Variants in XRCC5 observed in about 807,000 individuals in gnomAD.
XRCC5 encodes X-ray repair cross complementing 5, also known as DNA repair protein Ku80.
In XRCC5, 12 loss-of-function variants were observed where a neutral mutation model predicts 95.7. That is an observed-to-expected ratio of 0.13 (90% CI 0.08 to 0.20). The LOEUF (loss-of-function observed/expected upper bound fraction) is 0.20, where lower values mean the gene tolerates loss of function less well. Among genes scored for constraint, XRCC5 ranks in the 10% least tolerant of loss-of-function variants. The pLI is 1.00. For missense variants in XRCC5, 595 were observed against 873.9 expected (o/e 0.68, Z 4.02); for synonymous variants, 281 against 290.3 (o/e 0.97, Z 0.33).
At position 216,192,752 on chromosome 2, in the gene XRCC5, C is replaced by CT. The variant is rs202075540; in HGVS notation, c.2041+26dup. ...TTGTCCAGGGTAAGTTGTCATTTGC[C>CT]TTTTTTTTTAAAAAGTATTTTTAAA... On this transcript the variant is annotated intron_variant, in intron 18 of 20. Coordinates refer to ENST00000392132, the MANE Select transcript of XRCC5 (RefSeq NM_021141.4). 3.3e-4 allele frequency: 494 copies of CT among 1,501,940 alleles called. No individual in the cohort carries two copies. Among genetic ancestry groups the CT allele is most frequent in the South Asian group, 4.7e-4 (35 of 74,940 alleles). 93.0% of individuals were successfully genotyped at this position (1,501,940 alleles called of 1,614,324 possible). A position where few individuals can be genotyped will look rare whatever the true frequency, so the allele number is the denominator to read the frequency against.
intron 13 of XRCC5, among the ~76,000 whole-genome samples, chr2:216,141,540 C>CTTTTCTTTTT (rs1697169556): frequency 1.5e-5 from 1 of 64,980 alleles, no homozygotes; most frequent in Non-Finnish European, 2.6e-5. Flanking sequence ...TCTTTCTTTT[C>CTTTTCTTTTT]TTTTTTTTTT....
chr2:216,204,421 G>A (rs2106056685), intron 20 of XRCC5, 25 bp downstream of exon 20: 1 of 1,613,018 alleles, frequency 6.2e-7, no homozygotes, highest in Non-Finnish European at 8.5e-7. Flanking sequence ...TATGCACCTG[G>A]TGTTCTATGA....
intron 20 of XRCC5, among the ~76,000 whole-genome samples, chr2:216,204,956 T>G (rs1337637954): frequency 6.6e-6 from 1 of 152,248 alleles, no homozygotes; most frequent in African/African-American, 2.4e-5. Context: ...ATATGACAAC[T>G]GACCAACAAA....
chr2:216,150,982 C>G (rs570827076), intron 14 of XRCC5, among the ~76,000 whole-genome samples: 2 of 152,312 alleles, frequency 1.3e-5, no homozygotes, highest in African/African-American at 4.8e-5. Context: ...TTTTCAGTTT[C>G]ATTATAATCT....
intron 14 of XRCC5, among the ~76,000 whole-genome samples, chr2:216,159,481 A>G (rs1177595582): frequency 2.0e-5 from 3 of 152,178 alleles, no homozygotes; most frequent in African/African-American, 7.2e-5. Flanking sequence ...ACAAATTAAA[A>G]AGTTTTCGGG....
At chr2:216,155,268 A>G (rs1224067203) in intron 14 of XRCC5, among the ~76,000 whole-genome samples, 1 of 151,194 alleles carries the variant, frequency 6.6e-6, no homozygotes, top group African/African-American at 2.4e-5. Flanking sequence ...CAAGGAACTA[A>G]TAATTAGGAT....
chr2:216,180,386 G>A (rs1157278057), intron 16 of XRCC5, among the ~76,000 whole-genome samples: 6 of 152,232 alleles, frequency 3.9e-5, no homozygotes, highest in Admixed American at 1.3e-4. Flanking sequence ...AGCACTTTGG[G>A]AGGCCAAGGC....
At chr2:216,138,249 G>C (rs1697120370) in intron 12 of XRCC5, 70 bp downstream of exon 12, 5 of 1,405,846 alleles carry the variant, frequency 3.6e-6, no homozygotes, top group Non-Finnish European at 5.0e-6. Context: ...CTGTCTGCTA[G>C]TTGTTGGTTG....
At chr2:216,203,271 A>G (rs530875709) in intron 19 of XRCC5, among the ~76,000 whole-genome samples, 12 of 152,176 alleles carry the variant, frequency 7.9e-5, no homozygotes, top group African/African-American at 2.2e-4. Context: ...CTGATTCTCT[A>G]TTTACTGTTT....
rs767507385 is a variant in XRCC5 at position 216,205,194 on chromosome 2, A to G, written c.2191A>G (p.Met731Val). The change falls in exon 21 of 21, where the codon ATG becomes GTG. Residue 731 changes from methionine (M) to valine (V), a missense_variant. Coordinates refer to ENST00000392132, the MANE Select transcript of XRCC5 (RefSeq NM_021141.4). ...GTGTTGTTCTTGTTCACAGTTGGAC[A>G]TGATATAGGTCGTGGATGTATGGGG... ...EGGDVDDLLD[M>V]I The G allele has an allele frequency of 1.2e-6, 2 of 1,614,010 alleles. No homozygotes were observed. The highest frequency in any genetic ancestry group is 2.2e-5 in the South Asian group (2 of 91,076).
At chr2:216,138,631 C>T (rs1697126511) in intron 12 of XRCC5, among the ~76,000 whole-genome samples, 1 of 152,162 alleles carries the variant, frequency 6.6e-6, no homozygotes, top group Admixed American at 6.5e-5. Context: ...CTCATTGTTA[C>T]TTATTTCTGG....
chr2:216,116,731 G>T lies in XRCC5; in HGVS notation c.208G>T (p.Gly70Cys), dbSNP rs777719719. Residue 70 changes from glycine to cysteine, a missense_variant, in exon 3 of 21, where the codon GGT (glycine) becomes TGT (cysteine). Physicochemically the swap from Gly to Cys is radical, Grantham distance 159. This residue lies in a region of XRCC5 where 286 missense variants were observed against 491.1 expected (regional missense o/e 0.58). Coordinates refer to ENST00000392132, the MANE Select transcript of XRCC5 (RefSeq NM_021141.4). ...AGATGGCACTGACAATCCCCTTTCT[G>T]GTGGGGATCAGTATCAGAACATCAC... ...GTDGTDNPLS[G>C]GDQYQNITVH... 81 of 1,614,068 alleles carry T rather than the reference G, an allele frequency of 5.0e-5. No individual in the cohort carries two copies. Among genetic ancestry groups the T allele is most frequent in the Non-Finnish European group, 6.8e-5 (80 of 1,180,024 alleles).
chr2:216,156,590 G>C, intron 14 of XRCC5: 1 of 580,492 alleles, frequency 1.7e-6, no homozygotes, highest in Admixed American at 1.9e-5. Context: ...ACGAACTTGT[G>C]CCAGTAGAAG....
intron 14 of XRCC5, 147 bp from the exon 15 acceptor site, chr2:216,159,921 T>C (rs933712182): frequency 1.8e-5 from 10 of 554,912 alleles, no homozygotes; most frequent in Non-Finnish European, 2.8e-5. Context: ...GTAGCTATTG[T>C]TTTTCTTTTC....
intron 16 of XRCC5, among the ~76,000 whole-genome samples, chr2:216,184,032 CTGTGTGTGTGTGTGTGTGTGTGTG>C (rs3221952): frequency 1.4e-5 from 2 of 145,630 alleles, no homozygotes; most frequent in African/African-American, 2.6e-5. Flanking sequence ...TAAGTCAGCA[CTGTGTGTGTGTGTGTGTGTGTGTG>C]TGTGTGTGTG....
At chr2:216,178,269 T>G (rs76164086) in intron 16 of XRCC5, among the ~76,000 whole-genome samples, 1 of 152,178 alleles carries the variant, frequency 6.6e-6, no homozygotes, top group African/African-American at 2.4e-5. Context: ...AAGCACATGC[T>G]TATATGGGGG....
intron 14 of XRCC5, among the ~76,000 whole-genome samples, chr2:216,158,549 A>G (rs945926460): frequency 6.6e-6 from 1 of 152,098 alleles, no homozygotes; most frequent in African/African-American, 2.4e-5. Flanking sequence ...ATTTCATTCT[A>G]CCTTGGATTT....
intron 9 of XRCC5, chr2:216,131,287 G>A (rs1306164111): frequency 2.0e-6 from 2 of 983,000 alleles, no homozygotes; most frequent in South Asian, 4.7e-5. Context: ...ATCCCTTTGA[G>A]GTTCAGTCTT....
chr2:216,196,192 C>T (rs1269705716), intron 19 of XRCC5, among the ~76,000 whole-genome samples: 1 of 150,830 alleles, frequency 6.6e-6, no homozygotes, highest in Non-Finnish European at 1.5e-5. Context: ...TTTTATTAAG[C>T]ACTTTGCCTA....
Sources: gnomAD v4.1 joint callset for allele counts (sites outside exome capture counted in the v4.1 genomes callset) on GRCh38, gnomAD v4.1.1 for gene constraint, gnomAD v4.1.1 regional missense constraint, MANE v1.5 for transcripts, NCBI Gene and HGNC (gene_info 2026-07-23, HGNC 2026-07-21) for gene names.